Variants in PSMG2 observed in about 807,000 individuals in gnomAD.
PSMG2 encodes the protein proteasome assembly chaperone 2, also known as CD40 ligand-activated specific transcript 3.
PSMG2 carries 21 observed loss-of-function variants against 31.5 expected under a neutral mutation model. The ratio of observed to expected loss-of-function variants is 0.67; its 90% CI spans 0.47 to 0.96. PSMG2 has a LOEUF of 0.96. Ranked by LOEUF, PSMG2 falls within the 40% of genes least tolerant of loss-of-function variation. The probability of loss-of-function intolerance (pLI) is 0.00; values close to 1 mark genes in which losing one functional copy is unlikely to be tolerated. For missense variants in PSMG2, 318 were observed against 321.2 expected (o/e 0.99, Z 0.08); for synonymous variants, 120 against 110.4 (o/e 1.09, Z -0.54).
chr18:12,674,664 A>G, intron 1 of PSMG2: 1 of 1,614,022 alleles, frequency 6.2e-7, no homozygotes, highest in Non-Finnish European at 8.5e-7. Flanking sequence ...CTGCTGATAT[A>G]CTTGTTGTAC....
At chr18:12,669,625 CATT>C (rs1362246274) in intron 1 of PSMG2, among the ~76,000 whole-genome samples, 1 of 152,096 alleles carries the variant, frequency 6.6e-6, no homozygotes, top group Non-Finnish European at 1.5e-5. Flanking sequence ...ACCTTGGAGA[CATT>C]ATGTTTTTTA....
At chr18:12,660,162 G>A (rs559358310) in intron 1 of PSMG2, among the ~76,000 whole-genome samples, 1 of 152,092 alleles carries the variant, frequency 6.6e-6, no homozygotes, top group African/African-American at 2.4e-5. Flanking sequence ...AGGAATCTAT[G>A]AGCCATTAAC....
At chr18:12,680,883 A>C in intron 1 of PSMG2, 1 of 1,403,476 alleles carries the variant, frequency 7.1e-7, no homozygotes, top group Non-Finnish European at 9.7e-7. Flanking sequence ...TCCTCATTAC[A>C]TACTTAAATA....
At chr18:12,663,762 A>G (rs2038747625) in intron 1 of PSMG2, among the ~76,000 whole-genome samples, 1 of 151,854 alleles carries the variant, frequency 6.6e-6, no homozygotes, top group African/African-American at 2.4e-5. Flanking sequence ...ATTTTTCCTG[A>G]TTGATTGTGT....
upstream of PSMG2, chr18:12,700,118 G>C: frequency 2.8e-6 from 1 of 353,162 alleles, no homozygotes; most frequent in Non-Finnish European, 5.1e-6. Context: ...AAATGCTAAG[G>C]AATTAAACTG....
In PSMG2 at chr18:12,666,957, A is replaced by G. The variant is rs559452459; in HGVS notation, c.-37+8184A>G. ...ATGAGTTTAAAATTAAAAATTCCAT[A>G]TATTACTGAAATTAAGCTAATATAA... On this transcript the variant is annotated intron_variant, in intron 1 of 6. Transcript: ENST00000585331. 2.0e-4 allele frequency among the ~76,000 whole-genome samples: 30 copies of G among 152,228 alleles called. 1 individual carries two copies. The highest frequency in any genetic ancestry group is 7.2e-4 in the African/African-American group (30 of 41,558).
intron 1 of PSMG2, chr18:12,680,707 C>G (rs1431832605): frequency 9.9e-6 from 16 of 1,613,506 alleles, no homozygotes; most frequent in Non-Finnish European, 1.3e-5. Flanking sequence ...CCCATCAGTT[C>G]CACAAGTCAT....
At chr18:12,675,813 C>CA (rs1266192527) in intron 1 of PSMG2, among the ~76,000 whole-genome samples, 1 of 152,000 alleles carries the variant, frequency 6.6e-6, no homozygotes, top group Non-Finnish European at 1.5e-5. Context: ...GGACTACAGA[C>CA]ACCTGCCACC....
chr18:12,713,590 T>C (rs1471333557), intron 3 of PSMG2, among the ~76,000 whole-genome samples: 1 of 152,180 alleles, frequency 6.6e-6, no homozygotes, highest in Non-Finnish European at 1.5e-5. Context: ...GGAATGAGTA[T>C]GAAACGTGAT....
upstream of PSMG2, chr18:12,701,205 G>T: frequency 1.2e-6 from 1 of 868,244 alleles, no homozygotes; most frequent in Non-Finnish European, 1.8e-6. Flanking sequence ...AACAGTAAAT[G>T]CACAATTGTT....
chr18:12,713,077 CTA>C (rs2145141580), intron 3 of PSMG2, among the ~76,000 whole-genome samples: 1 of 152,266 alleles, frequency 6.6e-6, no homozygotes, highest in African/African-American at 2.4e-5. Flanking sequence ...TACATATAAA[CTA>C]TGTATATATC....
intron 1 of PSMG2, chr18:12,684,528 T>C (rs974002752): frequency 6.6e-6 from 1 of 151,530 alleles, no homozygotes; most frequent in African/African-American, 2.4e-5. Context: ...TTGCCCACAC[T>C]GGAGTGCGAT....
At chr18:12,681,610 A>G (rs2039352175) in intron 1 of PSMG2, among the ~76,000 whole-genome samples, 1 of 152,142 alleles carries the variant, frequency 6.6e-6, no homozygotes, top group Admixed American at 6.6e-5. Flanking sequence ...CAAGTCATAC[A>G]GCAAGAAATG....
intron 1 of PSMG2, among the ~76,000 whole-genome samples, chr18:12,692,859 G>A (rs1217486663): frequency 3.9e-5 from 6 of 152,178 alleles, no homozygotes; most frequent in Non-Finnish European, 7.3e-5. Flanking sequence ...GTCTTGCTCT[G>A]TCACCCAGTC....
upstream of PSMG2, among the ~76,000 whole-genome samples, chr18:12,701,742 C>A (rs544907925): frequency 2.0e-5 from 3 of 152,264 alleles, no homozygotes; most frequent in East Asian, 5.8e-4. Context: ...CATTACAAAC[C>A]CTTTAGTAAC....
At chr18:12,661,385 C>CA (rs1414530977) in intron 1 of PSMG2, 2 of 982,524 alleles carry the variant, frequency 2.0e-6, no homozygotes, top group Admixed American at 1.2e-4. Context: ...GCTGACCACT[C>CA]AAAGGCTACC....
At chr18:12,718,452 G>GA in intron 3 of PSMG2, 65 bp from the exon 4 acceptor site, 1 of 853,458 alleles carries the variant, frequency 1.2e-6, no homozygotes, top group Non-Finnish European at 1.8e-6. Flanking sequence ...ATAGTATATA[G>GA]AATGTTTGTA....
chr18:12,669,453 G>GACCA (rs1200475400), intron 1 of PSMG2, among the ~76,000 whole-genome samples: 2 of 151,838 alleles, frequency 1.3e-5, no homozygotes, highest in Admixed American at 1.3e-4. Flanking sequence ...TCACTATGTT[G>GACCA]ACCAGGCTGT....
intron 1 of PSMG2, chr18:12,695,240 T>G: frequency 8.4e-7 from 1 of 1,188,370 alleles, no homozygotes; most frequent in Non-Finnish European, 1.2e-6. Context: ...AAAGAGAAAC[T>G]CATAAGTATT....
Sources: allele counts gnomAD v4.1 joint callset (sites outside exome capture counted in the v4.1 genomes callset), GRCh38; gene constraint gnomAD v4.1.1; transcripts MANE v1.5; gene names NCBI Gene and HGNC (gene_info 2026-07-23, HGNC 2026-07-21).